The following LRRC4C variants were observed in gnomAD, a reference collection of about 807,000 sequenced individuals.
The protein encoded by LRRC4C is leucine rich repeat containing 4C, also known as leucine-rich repeat-containing protein 4C.
In LRRC4C, 5 loss-of-function variants were observed where a neutral mutation model predicts 33.6. That is an observed-to-expected ratio of 0.15 (90% CI 0.08 to 0.31). The LOEUF (loss-of-function observed/expected upper bound fraction) is 0.31. LRRC4C is among the 10% of genes least tolerant of loss of function. The pLI, the probability that LRRC4C is intolerant of heterozygous loss-of-function variation, is 1.00. For synonymous variants in LRRC4C, 329 were observed against 302.0 expected (o/e 1.09, Z -0.93); for missense variants, 560 against 796.7 (o/e 0.70, Z 3.58).
chr11:41,071,902 G>A (rs1938712908), intron 1 of LRRC4C, among the ~76,000 whole-genome samples: 1 of 152,124 alleles, frequency 6.6e-6, no homozygotes, highest in African/African-American at 2.4e-5. Flanking sequence ...ATGACTTTGA[G>A]GGTTTCAAGA....
At chr11:41,028,030 A>T (rs1019989711) in intron 1 of LRRC4C, among the ~76,000 whole-genome samples, 5 of 151,654 alleles carry the variant, frequency 3.3e-5, no homozygotes, top group Non-Finnish European at 5.9e-5. Context: ...ACTCCTAGCC[A>T]CTGTGACCTG....
intron 1 of LRRC4C, among the ~76,000 whole-genome samples, chr11:41,241,000 T>C (rs1338924608): frequency 6.6e-6 from 1 of 152,162 alleles, no homozygotes; most frequent in African/African-American, 2.4e-5. Flanking sequence ...AGTCATGAGA[T>C]CTGAGTCTTT....
At chr11:40,243,179 C>G (rs770116235) in intron 4 of LRRC4C, among the ~76,000 whole-genome samples, 26 of 151,988 alleles carry the variant, frequency 1.7e-4, no homozygotes, top group African/African-American at 6.0e-4. Context: ...AGCAAGATAC[C>G]CTTTTAAGTT....
chr11:40,387,131 A>C (rs1450457914), intron 3 of LRRC4C, among the ~76,000 whole-genome samples: 1 of 152,158 alleles, frequency 6.6e-6, no homozygotes, highest in Admixed American at 6.6e-5. Context: ...ATATAGAATT[A>C]TTCCTTTTTT....
chr11:40,689,625 G>GA (rs1375127775), intron 2 of LRRC4C, among the ~76,000 whole-genome samples: 1 of 151,866 alleles, frequency 6.6e-6, no homozygotes, highest in African/African-American at 2.4e-5. Flanking sequence ...ATATTTACAG[G>GA]AAAAATCAAG....
intron 1 of LRRC4C, among the ~76,000 whole-genome samples, chr11:41,019,472 A>C (rs1855810414): frequency 6.6e-6 from 1 of 152,078 alleles, no homozygotes; most frequent in Non-Finnish European, 1.5e-5. Context: ...ATAGTGCTGC[A>C]GTAAACATAC....
chr11:40,161,381 C>G (rs1410868572), intron 5 of LRRC4C, among the ~76,000 whole-genome samples: 1 of 152,130 alleles, frequency 6.6e-6, no homozygotes, highest in Non-Finnish European at 1.5e-5. Context: ...ACAAATAATT[C>G]TCAATGTGTA....
At chr11:41,211,334 T>A (rs941160764) in intron 1 of LRRC4C, among the ~76,000 whole-genome samples, 2 of 152,178 alleles carry the variant, frequency 1.3e-5, no homozygotes, top group Admixed American at 1.3e-4. Flanking sequence ...CATTTATTTT[T>A]ATTTTTGTAT....
chr11:40,451,090 G>A lies in LRRC4C; in HGVS notation c.-269-131369C>T, dbSNP rs1951861926. Among the ~76,000 whole-genome samples the A allele has an allele frequency of 4.6e-5, 7 of 151,446 alleles. No individual in the cohort carries two copies. In the South Asian group the frequency reaches 1.5e-3, roughly 31 times the overall value. ...TATATTTATACAAATCTTTAAATCAGTAGCTTATTTAACAATGAAAAAAAA... is the reference window on the plus strand; with the variant it reads ...TATATTTATACAAATCTTTAAATCAATAGCTTATTTAACAATGAAAAAAAA... On this transcript the variant is annotated intron_variant, in intron 3 of 6. Coordinates refer to ENST00000528697, the MANE Select transcript of LRRC4C (RefSeq NM_001258419.2).
chr11:40,202,475 C>T (rs1420694116), intron 5 of LRRC4C, among the ~76,000 whole-genome samples: 3 of 152,064 alleles, frequency 2.0e-5, no homozygotes, highest in East Asian at 3.9e-4. Flanking sequence ...ACACATTATA[C>T]CACCATATGC....
intron 1 of LRRC4C, among the ~76,000 whole-genome samples, chr11:41,245,255 G>A (rs1461472425): frequency 1.3e-5 from 2 of 152,310 alleles, no homozygotes; most frequent in East Asian, 3.9e-4. Flanking sequence ...TGCTCGGCCT[G>A]CTGGGCTTGT....
At chr11:41,189,572 C>T (rs575850744) in intron 1 of LRRC4C, among the ~76,000 whole-genome samples, 1 of 152,126 alleles carries the variant, frequency 6.6e-6, no homozygotes, top group African/African-American at 2.4e-5. Context: ...GAAGACTTGG[C>T]ATTAAGAATG....
At chr11:41,090,906 CTT>C (rs1337520120) in intron 1 of LRRC4C, among the ~76,000 whole-genome samples, 2 of 152,052 alleles carry the variant, frequency 1.3e-5, no homozygotes, top group Non-Finnish European at 2.9e-5. Context: ...AACTGTGAGT[CTT>C]TTAAAATGTT....
chr11:40,755,241 G>T (rs573694390), intron 2 of LRRC4C, among the ~76,000 whole-genome samples: 1 of 152,044 alleles, frequency 6.6e-6, no homozygotes, highest in Non-Finnish European at 1.5e-5. Context: ...TATTTTAAAA[G>T]ATTTCAGTTA....
chr11:40,151,711 T>C (rs1178402255), intron 5 of LRRC4C, among the ~76,000 whole-genome samples: 1 of 152,120 alleles, frequency 6.6e-6, no homozygotes, highest in East Asian at 1.9e-4. Context: ...ACCATTATAA[T>C]AAAATATAGC....
chr11:40,634,169 A>C (rs1388986880), intron 3 of LRRC4C, among the ~76,000 whole-genome samples: 2 of 152,192 alleles, frequency 1.3e-5, no homozygotes, highest in Non-Finnish European at 2.9e-5. Flanking sequence ...CTAATAAAGG[A>C]TGGAAAACTG....
chr11:40,327,883 A>G (rs563552168), intron 3 of LRRC4C, among the ~76,000 whole-genome samples: 18 of 152,130 alleles, frequency 1.2e-4, no homozygotes, highest in Admixed American at 3.9e-4. Context: ...AAAACTTTAC[A>G]TCACTTAGAA....
intron 1 of LRRC4C, among the ~76,000 whole-genome samples, chr11:41,160,380 TAA>T (rs61443237): frequency 1.1e-4 from 15 of 132,580 alleles, no homozygotes; most frequent in Admixed American, 2.3e-4. Context: ...ACCCTCTTTC[TAA>T]AAAAAAAAAA....
chr11:40,508,333 T>TA (rs1178687359), intron 3 of LRRC4C, among the ~76,000 whole-genome samples: 5 of 151,948 alleles, frequency 3.3e-5, no homozygotes, highest in Non-Finnish European at 5.9e-5. Context: ...ACTATTATAA[T>TA]AAAAAATCAT....
Sources: allele counts gnomAD v4.1 joint callset (sites outside exome capture counted in the v4.1 genomes callset), GRCh38; gene constraint gnomAD v4.1.1; transcripts MANE v1.5; gene names NCBI Gene and HGNC (gene_info 2026-07-23, HGNC 2026-07-21).